The following CFAP43 variants were observed in gnomAD, a reference collection of about 807,000 sequenced individuals.
CFAP43 encodes the protein cilia and flagella associated protein 43, also known as cilia- and flagella-associated protein 43.
A neutral mutation model predicts 218.9 loss-of-function variants in CFAP43; 155 were observed. That is an observed-to-expected ratio of 0.71 (90% CI 0.62 to 0.81). The LOEUF (loss-of-function observed/expected upper bound fraction) is 0.81. Ranked by LOEUF, CFAP43 falls within the 30% of genes least tolerant of loss-of-function variation. The pLI is 0.00. For synonymous variants in CFAP43, 645 were observed against 681.3 expected, an observed-to-expected ratio of 0.95 and a Z score of 0.83; for missense variants, 1,778 against 1,954.3, an observed-to-expected ratio of 0.91 and a Z score of 1.70.
chr10:104,181,983 G>A (rs1164282061), intron 17 of CFAP43, among the ~76,000 whole-genome samples: 1 of 152,132 alleles, frequency 6.6e-6, no homozygotes, highest in Non-Finnish European at 1.5e-5. Flanking sequence ...CTAGCACTCT[G>A]TAGGCACTCT....
intron 16 of CFAP43, among the ~76,000 whole-genome samples, chr10:104,184,716 C>T (rs887072186): frequency 1.3e-5 from 2 of 151,986 alleles, no homozygotes; most frequent in African/African-American, 4.8e-5. Flanking sequence ...CCTCAGAACC[C>T]ACTGATAATA....
At chr10:104,218,863 C>T (rs762207899) in intron 3 of CFAP43, 3 of 510,284 alleles carry the variant, frequency 5.9e-6, no homozygotes, top group Non-Finnish European at 1.2e-5. Context: ...ATGAGAGAAA[C>T]ACCCTAGGAA....
In CFAP43 at chr10:104,193,973, G is replaced by A. The variant is rs771032104; in HGVS notation, c.1335C>T (p.Ala445=). ...LACCPSSLSA[A]VGTEDGSVYF... is the part of the protein sequence containing the mutation. ...AGACCGAGCCATCCTCCGTGCCCAC[G>A]GCTGCAGAGAGGGAGGATGGACAGC... is the stretch of plus-strand genomic sequence containing the variant. Residue 445 remains alanine, a synonymous_variant, in exon 11 of 38, where the codon GCC becomes GCT. Coordinates refer to ENST00000357060, the MANE Select transcript of CFAP43 (RefSeq NM_025145.7). 1 of 1,614,016 alleles carries A rather than the reference G, an allele frequency of 6.2e-7. No homozygotes were observed. Among genetic ancestry groups the A allele is most frequent in the South Asian group, 1.1e-5 (1 of 91,070 alleles).
chr10:104,159,384 A>AT (rs1214710472), intron 27 of CFAP43, among the ~76,000 whole-genome samples: 2 of 152,164 alleles, frequency 1.3e-5, no homozygotes, highest in Admixed American at 6.6e-5. Flanking sequence ...TCCAGGAAGT[A>AT]TTTTTTTAAT....
rs750307240 is a variant in CFAP43 at position 104,225,468 on chromosome 10, C to A, written c.409G>T (p.Ala137Ser). 6.2e-7 allele frequency: 1 copy of A among 1,609,526 alleles called. No homozygotes were observed. Among genetic ancestry groups the A allele is most frequent in the Non-Finnish European group, 8.5e-7 (1 of 1,177,258 alleles). Residue 137 changes from alanine to serine, a missense_variant, in exon 3 of 38, where the codon GCC (alanine) becomes TCC (serine). Coordinates refer to ENST00000357060, the MANE Select transcript of CFAP43 (RefSeq NM_025145.7). ...CAGGATGCTGAAACTTACCAAAGGG[C>A]CAGTTCAAATTCTGGGAGAGAGGAG... ...SYSSLPEFEL[A>S]LWNWESSIIL...
intron 25 of CFAP43, 122 bp from the exon 26 acceptor site, chr10:104,162,163 A>C: frequency 8.0e-7 from 1 of 1,251,762 alleles, no homozygotes; most frequent in Non-Finnish European, 1.2e-6. Context: ...GAAGGTAGGT[A>C]GTGCCTGGAG....
chr10:104,149,996 T>C (rs1056033815), intron 28 of CFAP43, among the ~76,000 whole-genome samples: 1 of 152,204 alleles, frequency 6.6e-6, no homozygotes, highest in Non-Finnish European at 1.5e-5. Context: ...CTTTATAAAT[T>C]TGCCGTTTTA....
chr10:104,162,480 AGGCTGG>A, intron 24 of CFAP43, 77 bp from the exon 25 acceptor site: 4 of 1,282,936 alleles, frequency 3.1e-6, no homozygotes, highest in Non-Finnish European at 4.6e-6. Flanking sequence ...TACTGGGAGG[AGGCTGG>A]AAGATACTAA....
intron 5 of CFAP43, among the ~76,000 whole-genome samples, chr10:104,209,107 T>C (rs1589783387): frequency 1.3e-5 from 2 of 152,318 alleles, no homozygotes; most frequent in South Asian, 4.1e-4. Flanking sequence ...TCCCTTGCCA[T>C]TGGTACCCAG....
chr10:104,139,736 G>T (rs2087618543), intron 34 of CFAP43, among the ~76,000 whole-genome samples: 2 of 151,996 alleles, frequency 1.3e-5, no homozygotes, highest in South Asian at 4.1e-4. Context: ...GTTAAAGGAA[G>T]TTCTTTAAGC....
chr10:104,191,123 C>A (rs1329724231), intron 12 of CFAP43, among the ~76,000 whole-genome samples: 1 of 152,168 alleles, frequency 6.6e-6, no homozygotes. Flanking sequence ...TAATTTCATT[C>A]TTTTGCCTTT....
At chr10:104,205,919 G>A in intron 7 of CFAP43, 44 bp downstream of exon 7, 1 of 1,530,244 alleles carries the variant, frequency 6.5e-7, no homozygotes, top group South Asian at 1.2e-5. Context: ...TGGGAATTGT[G>A]AATTTTCTTT....
Position 104,214,306 on chromosome 10 carries a change from G to A in CFAP43, c.537C>T (p.Ser179=), listed in dbSNP as rs767694212. The part of the protein sequence containing the change: ...QLCLSSPSTV[S]VWTIERSNQE... ...GGTTACTTCTTTCAATGGTCCACAC[G>A]CTCACTGTACTTGGACTTGATAAGC... Residue 179 remains serine (S), a synonymous_variant, in exon 4 of 38, where the codon AGC becomes AGT. Coordinates refer to ENST00000357060, the MANE Select transcript of CFAP43 (RefSeq NM_025145.7). 4.4e-5 allele frequency: 71 copies of A among 1,606,896 alleles called. No individual in the cohort carries two copies. Among genetic ancestry groups the A allele is most frequent in the South Asian group, 1.6e-4 (14 of 89,904 alleles).
chr10:104,187,480 A>G lies in CFAP43; in HGVS notation c.1700T>C (p.Phe567Ser). Residue 567 changes from phenylalanine (F) to serine (S), a missense_variant, in exon 14 of 38, where the codon TTT becomes TCT. Phe to Ser is a radical substitution (Grantham distance 155). Transcript: ENST00000357060. ...PTLLPQVSTT[F>S]ADERGRLKDE... The stretch of plus-strand genomic sequence containing the variant: ...TTTCAGCCTTCCTCTTTCATCAGCA[A>G]AGGTTGTGGAAACTATTAGATTTGG... The G allele has an allele frequency of 6.3e-7, 1 of 1,577,142 alleles. No homozygotes were observed. The highest frequency in any genetic ancestry group is 8.6e-7 in the Non-Finnish European group (1 of 1,166,680).
chr10:104,132,903 T>C, intron 35 of CFAP43: 2 of 615,488 alleles, frequency 3.2e-6, no homozygotes, highest in Non-Finnish European at 4.1e-6. Flanking sequence ...TATGATTGGT[T>C]GCCAGAAGCC....
intron 3 of CFAP43, among the ~76,000 whole-genome samples, chr10:104,223,372 T>G (rs1452901335): frequency 6.6e-6 from 1 of 152,208 alleles, no homozygotes; most frequent in Non-Finnish European, 1.5e-5. Flanking sequence ...AAACATAATG[T>G]AATAGACACT....
At chr10:104,132,567 A>G (rs2087248948) in intron 35 of CFAP43, 1 of 836,836 alleles carries the variant, frequency 1.2e-6, no homozygotes, top group African/African-American at 1.8e-5. Flanking sequence ...GTGAGCGGAT[A>G]TCACACCATT....
At chr10:104,216,232 A>G (rs1323732755) in intron 3 of CFAP43, among the ~76,000 whole-genome samples, 1 of 152,130 alleles carries the variant, frequency 6.6e-6, no homozygotes, top group Admixed American at 6.5e-5. Context: ...ACCTGCCTTC[A>G]TCCTAAATCC....
At chr10:104,152,899 C>T (rs575820197) in intron 27 of CFAP43, among the ~76,000 whole-genome samples, 173 bp from the exon 28 acceptor site, 1 of 152,222 alleles carries the variant, frequency 6.6e-6, no homozygotes, top group East Asian at 1.9e-4. Flanking sequence ...GTTTAATATA[C>T]TGTGTGTTGA....
Sources: allele counts gnomAD v4.1 joint callset (sites outside exome capture counted in the v4.1 genomes callset), GRCh38; gene constraint gnomAD v4.1.1; transcripts MANE v1.5; gene names NCBI Gene and HGNC (gene_info 2026-07-23, HGNC 2026-07-21).